Variants in SHCBP1 observed in about 807,000 individuals in gnomAD.
SHCBP1 encodes SHC SH2 domain-binding protein 1.
Under a neutral mutation model 75.1 loss-of-function variants are expected in SHCBP1, and 60 were observed. The observed-to-expected ratio is 0.80, with a 90% CI of 0.65 to 0.99. SHCBP1 has a LOEUF of 0.99. Ranked by LOEUF, SHCBP1 falls within the 50% of genes least tolerant of loss-of-function variation. The pLI is 0.00. For missense variants in SHCBP1, 709 were observed against 809.4 expected (o/e 0.88, Z 1.50); for synonymous variants, 290 against 293.2 (o/e 0.99, Z 0.11).
chr16:46,616,103 G>A lies in SHCBP1; in HGVS notation c.439C>T (p.Pro147Ser), dbSNP rs756862260. The A allele has an allele frequency of 6.2e-7, 1 of 1,614,150 alleles. No individual in the cohort carries two copies. The highest frequency in any genetic ancestry group is 8.5e-7 in the Non-Finnish European group (1 of 1,180,028). Residue 147 changes from proline to serine, a missense_variant, in exon 4 of 13, where the codon CCA becomes TCA. Coordinates refer to ENST00000303383, the MANE Select transcript of SHCBP1 (RefSeq NM_024745.5). This position sits in a 1 kb window ranked among gnomAD's most constrained non-coding sequence, Gnocchi z 4.4. ...ALKAVVRLAEPYLCDSQVSTF... is the reference protein window; with the variant it reads ...ALKAVVRLAESYLCDSQVSTF... ...CTCACTTGAGAGTCACAGAGGTATG[G>A]TTCAGCAAGCCTCACCACTGCCTTC...
chr16:46,620,889 G>A (rs1480419410), intron 1 of SHCBP1: 1 of 190,718 alleles, frequency 5.2e-6, no homozygotes, highest in Admixed American at 6.1e-5. Context: ...GGGAAGTGTG[G>A]TTCGTGATCT....
rs930333660 is a variant in SHCBP1, at chr16:46,616,219, T to C, written c.388-65A>G. On this transcript the variant is annotated intron_variant, in intron 3 of 12. Coordinates refer to ENST00000303383, the MANE Select transcript of SHCBP1 (RefSeq NM_024745.5). The surrounding 1 kb of genome is among the most constrained non-coding windows in gnomAD (Gnocchi z 4.4). ...AAATGAAGATACACCTATAAGACAC[T>C]ACTGACAACCTGATTTTTTTAAAAG... 5 of 1,497,626 alleles carry C rather than the reference T, an allele frequency of 3.3e-6. No individual in the cohort carries two copies. In the African/African-American group the frequency reaches 7.0e-5, roughly 21 times the overall value. 92.8% of individuals were successfully genotyped at this position (1,497,626 alleles called of 1,614,324 possible). A position where few individuals can be genotyped will look rare whatever the true frequency, so the allele number is the denominator to read the frequency against.
Position 46,581,873 on chromosome 16 carries a change from T to G in SHCBP1, c.1875A>C (p.Lys625Asn). The G allele has an allele frequency of 5.6e-6, 9 of 1,614,206 alleles. No individual in the cohort carries two copies. The highest frequency in any genetic ancestry group is 7.6e-6 in the Non-Finnish European group (9 of 1,180,024). The change falls in exon 13 of 13, where the codon AAA becomes AAC. Residue 625 changes from lysine to asparagine, a missense_variant. Transcript: ENST00000303383. Reference sequence around the variant, plus strand: ...TCAACCTTTTCTTCTTTATCTGGCCTTTCTGTGTGGAGGCAGCAATTAGTT... The same window carrying G: ...TCAACCTTTTCTTCTTTATCTGGCCGTTCTGTGTGGAGGCAGCAATTAGTT... ...VNELIAASTQ[K>N]GQIKKKRLSE...
chr16:46,581,778 T>C lies in SHCBP1; in HGVS notation c.1970A>G (p.Asn657Ser). The C allele has an allele frequency of 1.2e-6, 2 of 1,614,196 alleles. No homozygotes were observed. The highest frequency in any genetic ancestry group is 1.7e-6 in the Non-Finnish European group (2 of 1,180,036). The change falls in exon 13 of 13, where the codon AAC becomes AGC. Residue 657 changes from asparagine to serine, a missense_variant. Transcript: ENST00000303383. ...ACCTTTCCCATTCCACTTGAACTGG[T>C]TCCCCACAATCCCAACAAACATCTC... The part of the protein sequence containing the change: ...SQEMFVGIVG[N>S]QFKWNGKGSF...
chr16:46,610,838 T>C lies in SHCBP1; in HGVS notation c.597-2449A>G, dbSNP rs192564838. Among the ~76,000 whole-genome samples, 72 of 151,958 alleles carry C rather than the reference T, an allele frequency of 4.7e-4. 1 individual carries two copies. The highest frequency in any genetic ancestry group is 1.6e-3 in the African/African-American group (68 of 41,448). ...CCTCCCAGAGTGCTACAATTACAGG[T>C]GCACCCAGTCCCCATGGGTCATTTA... On this transcript the variant is annotated intron_variant, in intron 4 of 12. Transcript: ENST00000303383.
intron 10 of SHCBP1, among the ~76,000 whole-genome samples, chr16:46,588,499 A>G (rs912954896): frequency 6.6e-6 from 1 of 152,130 alleles, no homozygotes; most frequent in Non-Finnish European, 1.5e-5. Context: ...TATCACCACC[A>G]ATCCCACAGA....
chr16:46,611,531 T>C (rs1965416755), intron 4 of SHCBP1, among the ~76,000 whole-genome samples: 1 of 152,236 alleles, frequency 6.6e-6, no homozygotes, highest in Admixed American at 6.5e-5. Context: ...TCAATAATTA[T>C]CTTGTTTGCA....
intron 9 of SHCBP1, among the ~76,000 whole-genome samples, chr16:46,599,619 A>G (rs1965196092): frequency 6.8e-6 from 1 of 147,150 alleles, no homozygotes; most frequent in Non-Finnish European, 1.5e-5. Context: ...TCTTGGGAAA[A>G]TGGTGCCGAC....
chr16:46,590,562 A>G (rs1965028540), intron 10 of SHCBP1, among the ~76,000 whole-genome samples: 1 of 152,266 alleles, frequency 6.6e-6, no homozygotes, highest in Admixed American at 6.5e-5. Flanking sequence ...AGACACATGA[A>G]AAAATGCTCG....
chr16:46,595,265 C>A (rs550711239), intron 10 of SHCBP1, among the ~76,000 whole-genome samples: 77 of 149,018 alleles, frequency 5.2e-4, no homozygotes, highest in African/African-American at 1.8e-3. Flanking sequence ...AATGCAGGAC[C>A]TCTCCCTGTT....
In SHCBP1 at chr16:46,604,001, G is replaced by T. The variant is rs1965284472; in HGVS notation, c.1066C>A (p.Pro356Thr). The part of the protein sequence containing the change: ...SLLTDRLCQE[P>T]GEEEREIQFH... ...TGAATTTCTCTTTCTTCCTCACCAG[G>T]CTCCTGGCAAAGCCTGTCCGTAAGC... is the stretch of plus-strand genomic sequence containing the variant. Residue 356 changes from proline to threonine, a missense_variant, in exon 7 of 13, where the codon CCT becomes ACT. Coordinates refer to ENST00000303383, the MANE Select transcript of SHCBP1 (RefSeq NM_024745.5). 6.2e-7 allele frequency: 1 copy of T among 1,612,214 alleles called. No homozygotes were observed. Among genetic ancestry groups the T allele is most frequent in the East Asian group, 2.2e-5 (1 of 44,884 alleles).
chr16:46,615,999 C>T lies in SHCBP1; in HGVS notation c.543G>A (p.Val181=), dbSNP rs1370691515. Residue 181 remains valine (V), a synonymous_variant, in exon 4 of 13, where the codon GTG becomes GTA. Coordinates refer to ENST00000303383, the MANE Select transcript of SHCBP1 (RefSeq NM_024745.5). ...GGTCAAACACTCCTGAATCATCAAA[C>T]ACCACCCACAGCTCCTGCAGGGGCA... ...HRLPLQELWV[V]FDDSGVFDQT... is the part of the protein sequence containing the mutation. 6 of 1,614,056 alleles carry T rather than the reference C, an allele frequency of 3.7e-6. No homozygotes were observed. The highest frequency in any genetic ancestry group is 5.1e-6 in the Non-Finnish European group (6 of 1,180,036).
At chr16:46,602,112 ACT>A (rs2143000269) in intron 8 of SHCBP1, among the ~76,000 whole-genome samples, 1 of 152,308 alleles carries the variant, frequency 6.6e-6, no homozygotes, top group Admixed American at 6.5e-5. Context: ...CATTTATGAC[ACT>A]CTGGCAATTA....
At chr16:46,588,467 C>G (rs1428523457) in intron 10 of SHCBP1, among the ~76,000 whole-genome samples, 2 of 152,036 alleles carry the variant, frequency 1.3e-5, no homozygotes, top group Non-Finnish European at 2.9e-5. Context: ...CAAATAGATG[C>G]AATAAAAACT....
At chr16:46,584,180 G>A (rs1964917895) in intron 10 of SHCBP1, 91 bp from the exon 11 acceptor site, 3 of 781,726 alleles carry the variant, frequency 3.8e-6, no homozygotes, top group South Asian at 2.1e-5. Context: ...CTTTAACACA[G>A]TACAAATGTA....
chr16:46,599,691 A>AAAAAAAAAAAAAAAAAGC, intron 9 of SHCBP1, 140 bp downstream of exon 9: 1 of 354,362 alleles, frequency 2.8e-6, no homozygotes, highest in Non-Finnish European at 4.9e-6. Flanking sequence ...AAAAAAAAAA[A>AAAAAAAAAAAAAAAAAGC]ACTCAGCATC....
At chr16:46,609,172 T>C (rs1336932117) in intron 4 of SHCBP1, among the ~76,000 whole-genome samples, 1 of 151,884 alleles carries the variant, frequency 6.6e-6, no homozygotes, top group Non-Finnish European at 1.5e-5. Context: ...TACATTGGAG[T>C]TCCCTGGGAC....
chr16:46,582,068 C>G lies in SHCBP1; in HGVS notation c.1694-14G>C. 6.3e-7 allele frequency: 1 copy of G among 1,581,272 alleles called. No individual in the cohort carries two copies. Among genetic ancestry groups the G allele is most frequent in the Non-Finnish European group, 8.6e-7 (1 of 1,167,860 alleles). On this transcript the variant is annotated splice_polypyrimidine_tract_variant and intron_variant, in intron 12 of 12. Coordinates refer to ENST00000303383, the MANE Select transcript of SHCBP1 (RefSeq NM_024745.5). Reference sequence around the variant, plus strand: ...GCGCTTTATTTTCTGGAGAAACAAACAAATAATAACAAAGTTAAATATACA... The same window carrying G: ...GCGCTTTATTTTCTGGAGAAACAAAGAAATAATAACAAAGTTAAATATACA...
chr16:46,603,840 G>A, intron 7 of SHCBP1, 135 bp downstream of exon 7: 1 of 1,291,864 alleles, frequency 7.7e-7, no homozygotes, highest in Non-Finnish European at 1.1e-6. Flanking sequence ...CTGATGAAAG[G>A]CAGGGCTCTC....
Sources: allele counts gnomAD v4.1 joint callset (sites outside exome capture counted in the v4.1 genomes callset), GRCh38; gene constraint gnomAD v4.1.1; non-coding constraint Gnocchi (gnomAD v3.1); transcripts MANE v1.5; gene names NCBI Gene and HGNC (gene_info 2026-07-23, HGNC 2026-07-21).